CCBE1: variants seen among roughly 807,000 people sequenced by gnomAD.
CCBE1 encodes collagen and calcium binding EGF domains 1, also known as collagen and calcium-binding EGF domain-containing protein 1.
CCBE1 carries 37 observed loss-of-function variants against 50.0 expected under a neutral mutation model. That is an observed-to-expected ratio of 0.74 (90% CI 0.57 to 0.97). The LOEUF is 0.97. CCBE1 is among the 50% of genes least tolerant of loss of function. CCBE1 has a pLI of 0.00. For synonymous variants in CCBE1, 234 were observed against 203.7 expected (o/e 1.15, Z -1.27); for missense variants, 538 against 523.8 (o/e 1.03, Z -0.26).
intron 2 of CCBE1, among the ~76,000 whole-genome samples, chr18:59,546,752 T>C (rs1915699876): frequency 6.6e-6 from 1 of 152,208 alleles, no homozygotes; most frequent in African/African-American, 2.4e-5. Context: ...TAATCTTCTA[T>C]ATGGCAAAAG....
intron 2 of CCBE1, among the ~76,000 whole-genome samples, chr18:59,581,417 G>A (rs1485788540): frequency 1.4e-5 from 2 of 147,092 alleles, no homozygotes; most frequent in African/African-American, 5.1e-5. Context: ...CTCCAGCCTG[G>A]TGACAGAATG....
At chr18:59,688,679 A>C (rs1229803577) in intron 2 of CCBE1, among the ~76,000 whole-genome samples, 3 of 152,216 alleles carry the variant, frequency 2.0e-5, no homozygotes, top group African/African-American at 7.2e-5. Flanking sequence ...CTTCTTAGAA[A>C]CTGGCAGATT....
intron 2 of CCBE1, among the ~76,000 whole-genome samples, chr18:59,687,288 C>T (rs767742478): frequency 6.6e-6 from 1 of 152,144 alleles, no homozygotes; most frequent in Admixed American, 6.5e-5. Flanking sequence ...ATCTATGCAC[C>T]TTTCTAAGTT....
intron 2 of CCBE1, among the ~76,000 whole-genome samples, chr18:59,654,390 C>A (rs750116025): frequency 7.9e-5 from 12 of 152,186 alleles, no homozygotes; most frequent in Non-Finnish European, 1.6e-4. Flanking sequence ...CTTTGGGAGA[C>A]CAAGGTGGGT....
At chr18:59,681,334 A>G (rs904677671) in intron 2 of CCBE1, among the ~76,000 whole-genome samples, 3 of 152,254 alleles carry the variant, frequency 2.0e-5, no homozygotes, top group African/African-American at 7.2e-5. Flanking sequence ...AGTCTGTAAT[A>G]GAAACCTTAG....
At chr18:59,552,578 G>C (rs554096482) in intron 2 of CCBE1, among the ~76,000 whole-genome samples, 13 of 152,326 alleles carry the variant, frequency 8.5e-5, no homozygotes, top group Middle Eastern at 3.4e-3. Context: ...TCATCCAAAA[G>C]AAGAGTATTT....
chr18:59,560,386 G>A (rs1231773509), intron 2 of CCBE1, among the ~76,000 whole-genome samples: 1 of 152,186 alleles, frequency 6.6e-6, no homozygotes, highest in African/African-American at 2.4e-5. Context: ...ACTCATAAGT[G>A]GGAGTTGAAC....
intron 2 of CCBE1, among the ~76,000 whole-genome samples, chr18:59,543,632 G>T (rs887162262): frequency 1.3e-5 from 2 of 152,070 alleles, no homozygotes; most frequent in Non-Finnish European, 2.9e-5. Context: ...TCAGGAGATC[G>T]AGAACATCCT....
At chr18:59,626,239 A>T (rs1009559706) in intron 2 of CCBE1, among the ~76,000 whole-genome samples, 1 of 152,240 alleles carries the variant, frequency 6.6e-6, no homozygotes, top group Non-Finnish European at 1.5e-5. Flanking sequence ...TCCACCTTAA[A>T]GTACTCGTTT....
intron 3 of CCBE1, among the ~76,000 whole-genome samples, chr18:59,471,765 G>A (rs11152151): frequency 0.24 from 35,810 of 152,076 alleles, 5,024 homozygotes; most frequent in African/African-American, 0.37. Flanking sequence ...ATACAGACAG[G>A]GAGGCTGGAA....
Position 59,436,044 on chromosome 18 carries a change from T to C in CCBE1, c.1085A>G (p.His362Arg). ...LQEKVFGHRT[H>R]SSAEEFPLPQ... is the part of the protein sequence containing the mutation. ...TAAAGGGAACTCCTCTGCTGAAGAG[T>C]GAGTCCGGTGCCCGAACACCTTTTC... Residue 362 changes from histidine to arginine, a missense_variant, in exon 11 of 11, where the codon CAC becomes CGC. His to Arg is a conservative substitution (Grantham distance 29, BLOSUM62 0). Transcript: ENST00000439986. The C allele has an allele frequency of 1.2e-6, 2 of 1,614,096 alleles. No homozygotes were observed. The highest frequency in any genetic ancestry group is 1.7e-6 in the Non-Finnish European group (2 of 1,180,026).
rs865940888 is a variant in CCBE1 at position 59,448,111 on chromosome 18, G to A, written c.655-8C>T. ...GTTGGGGAGCAGAGCAATCTGCAAG[G>A]AGAAGAGGAAGCCTCAGTCAGGAAG... is the stretch of plus-strand genomic sequence containing the variant. On this transcript the variant is annotated splice_polypyrimidine_tract_variant and splice_region_variant and intron_variant, in intron 6 of 10. Transcript: ENST00000439986. 1.2e-6 allele frequency: 2 copies of A among 1,613,914 alleles called. No individual in the cohort carries two copies. The highest frequency in any genetic ancestry group is 1.1e-5 in the South Asian group (1 of 91,050).
intron 2 of CCBE1, among the ~76,000 whole-genome samples, chr18:59,628,354 A>T (rs1390017078): frequency 6.6e-6 from 1 of 152,154 alleles, no homozygotes; most frequent in Non-Finnish European, 1.5e-5. Flanking sequence ...TTTTTCTTAT[A>T]TTGGATTCTC....
At chr18:59,588,286 G>C (rs549373425) in intron 2 of CCBE1, among the ~76,000 whole-genome samples, 1 of 152,300 alleles carries the variant, frequency 6.6e-6, no homozygotes, top group Admixed American at 6.5e-5. Context: ...TATTGGCTGG[G>C]TGTGGTGGTG....
chr18:59,492,884 G>T (rs1169543746), intron 2 of CCBE1, among the ~76,000 whole-genome samples: 1 of 152,170 alleles, frequency 6.6e-6, no homozygotes, highest in Non-Finnish European at 1.5e-5. Flanking sequence ...ACAGAATGCT[G>T]ACCCTTGAAG....
intron 5 of CCBE1, among the ~76,000 whole-genome samples, chr18:59,458,667 G>A (rs1363436771): frequency 1.3e-5 from 2 of 152,212 alleles, no homozygotes; most frequent in African/African-American, 4.8e-5. Context: ...ACTCAACTGG[G>A]TCCCAGCTGG....
intron 2 of CCBE1, among the ~76,000 whole-genome samples, chr18:59,549,703 T>C (rs1273434671): frequency 6.6e-6 from 1 of 152,200 alleles, no homozygotes; most frequent in Non-Finnish European, 1.5e-5. Flanking sequence ...AGTGATATAG[T>C]ACCCAGTTGG....
At chr18:59,676,373 C>G (rs1420044775) in intron 2 of CCBE1, among the ~76,000 whole-genome samples, 1 of 152,304 alleles carries the variant, frequency 6.6e-6, no homozygotes, top group African/African-American at 2.4e-5. Flanking sequence ...GTCTATGGCT[C>G]TTTATGTTGT....
At chr18:59,591,480 T>C (rs898961992) in intron 2 of CCBE1, among the ~76,000 whole-genome samples, 78 of 152,132 alleles carry the variant, frequency 5.1e-4, no homozygotes, top group Non-Finnish European at 2.8e-4. Context: ...TAATTACATA[T>C]ATCACATATA....
Sources: gnomAD v4.1 joint callset for allele counts (sites outside exome capture counted in the v4.1 genomes callset) on GRCh38, gnomAD v4.1.1 for gene constraint, MANE v1.5 for transcripts, NCBI Gene and HGNC (gene_info 2026-07-23, HGNC 2026-07-21) for gene names.